EPHA7: variants seen among roughly 807,000 people sequenced by gnomAD.
The protein encoded by EPHA7 is EPH receptor A7, also known as ephrin type-A receptor 7.
EPHA7 carries 25 observed loss-of-function variants against 112.6 expected under a neutral mutation model. The observed-to-expected ratio is 0.22, with a 90% CI of 0.16 to 0.31. The LOEUF (loss-of-function observed/expected upper bound fraction) is 0.31, where lower values mean the gene tolerates loss of function less well. EPHA7 is among the 10% of genes least tolerant of loss of function. The pLI, the probability that EPHA7 is intolerant of heterozygous loss-of-function variation, is 1.00. For synonymous variants in EPHA7, 437 were observed against 406.5 expected (o/e 1.07, Z -0.90); for missense variants, 962 against 1,212.6 (o/e 0.79, Z 3.07).
intron 5 of EPHA7, among the ~76,000 whole-genome samples, chr6:93,327,907 A>G (rs930293252): frequency 6.6e-6 from 1 of 151,466 alleles, no homozygotes; most frequent in African/African-American, 2.4e-5. Flanking sequence ...AATCCCTCCA[A>G]TGGCTTTCAG....
intron 3 of EPHA7, among the ~76,000 whole-genome samples, chr6:93,401,917 T>C (rs753589601): frequency 1.3e-5 from 2 of 152,024 alleles, no homozygotes; most frequent in African/African-American, 2.4e-5. Context: ...GAATATTTCA[T>C]AGATTAGTGG....
At chr6:93,418,062 A>G (rs1425826327) in intron 1 of EPHA7, among the ~76,000 whole-genome samples, 1 of 151,464 alleles carries the variant, frequency 6.6e-6, no homozygotes, top group African/African-American at 2.4e-5. Context: ...TTCATAACAG[A>G]TTCCTCTCCC....
chr6:93,391,740 G>T (rs890230840), intron 3 of EPHA7, among the ~76,000 whole-genome samples: 4 of 151,774 alleles, frequency 2.6e-5, no homozygotes, highest in Admixed American at 2.6e-4. Flanking sequence ...AGAGGAAGGG[G>T]AAGCTGGTTA....
At position 93,243,475 on chromosome 6, in the gene EPHA7, G is replaced by C; in HGVS notation, c.2948C>G (p.Thr983Ser). ...HQKKIMSSIQ[T>S]MRAQMLHLHG... is the part of the protein sequence containing the mutation. ...TAAATGTAGCATTTGTGCTCTCATA[G>C]TCTGAATGCTGCTCATGATTTTCTT... Residue 983 changes from threonine (T) to serine (S), a missense_variant, in exon 17 of 17, where the codon ACT becomes AGT. Around this residue, in one of 3 missense-constraint regions of EPHA7, gnomAD observed 746 missense variants for 889.2 expected, o/e 0.84. Coordinates refer to ENST00000369303, the MANE Select transcript of EPHA7 (RefSeq NM_004440.4). 1.2e-6 allele frequency: 2 copies of C among 1,613,556 alleles called. No homozygotes were observed. The highest frequency in any genetic ancestry group is 1.7e-6 in the Non-Finnish European group (2 of 1,179,604).
At chr6:93,418,944 A>G (rs1337169649) in intron 1 of EPHA7, among the ~76,000 whole-genome samples, 1 of 152,198 alleles carries the variant, frequency 6.6e-6, no homozygotes, top group Non-Finnish European at 1.5e-5. Flanking sequence ...GCTCGCCGGC[A>G]GTTCCTCCAA....
chr6:93,386,270 A>G (rs528829382), intron 3 of EPHA7, among the ~76,000 whole-genome samples: 122 of 152,168 alleles, frequency 8.0e-4, no homozygotes, highest in Non-Finnish European at 1.5e-3. Context: ...AATGCAAGTT[A>G]GTTACTTTTT....
chr6:93,292,411 AG>A (rs1772426348), intron 5 of EPHA7, among the ~76,000 whole-genome samples: 1 of 152,162 alleles, frequency 6.6e-6, no homozygotes, highest in African/African-American at 2.4e-5. Flanking sequence ...GATACCATTT[AG>A]AAAAACAATA....
intron 5 of EPHA7, among the ~76,000 whole-genome samples, chr6:93,308,791 C>A (rs1773386318): frequency 6.6e-6 from 1 of 151,874 alleles, no homozygotes; most frequent in Non-Finnish European, 1.5e-5. Flanking sequence ...TATATAAATA[C>A]CACATTTTTA....
At chr6:93,325,350 G>T (rs925249223) in intron 5 of EPHA7, among the ~76,000 whole-genome samples, 2 of 151,046 alleles carry the variant, frequency 1.3e-5, no homozygotes, top group African/African-American at 4.8e-5. Flanking sequence ...CTTCTAAAAA[G>T]ATATATGCCT....
intron 5 of EPHA7, among the ~76,000 whole-genome samples, chr6:93,280,170 C>T (rs1206827964): frequency 1.3e-5 from 2 of 152,054 alleles, no homozygotes; most frequent in Non-Finnish European, 2.9e-5. Flanking sequence ...AACTAAATAT[C>T]CTAACATAGA....
chr6:93,375,981 A>G (rs1164525046), intron 3 of EPHA7, among the ~76,000 whole-genome samples: 6 of 152,148 alleles, frequency 3.9e-5, no homozygotes, highest in Admixed American at 6.6e-5. Context: ...ATTATAAAAG[A>G]TTTATGCCAT....
At chr6:93,373,546 T>G (rs1190240413) in intron 3 of EPHA7, among the ~76,000 whole-genome samples, 1 of 152,136 alleles carries the variant, frequency 6.6e-6, no homozygotes, top group Non-Finnish European at 1.5e-5. Context: ...CTTCTACTCA[T>G]GATTCTCTGG....
intron 3 of EPHA7, among the ~76,000 whole-genome samples, chr6:93,407,899 T>G (rs2127992753): frequency 6.6e-6 from 1 of 152,112 alleles, no homozygotes; most frequent in South Asian, 2.1e-4. Flanking sequence ...TTTTTCATGA[T>G]AAATATATCT....
At chr6:93,357,225 G>A (rs915785852) in intron 4 of EPHA7, among the ~76,000 whole-genome samples, 173 bp from the exon 5 acceptor site, 2 of 152,070 alleles carry the variant, frequency 1.3e-5, no homozygotes, top group Non-Finnish European at 2.9e-5. Flanking sequence ...TACTAGAGAA[G>A]CTGTATAAAA....
Position 93,242,356 on chromosome 6 carries a change from G to A in EPHA7, c.*1070C>T, listed in dbSNP as rs537210040. ...AACTGCCCCTTTATCATGCTTCAGAGTTATAATATAAAACAATTATTTCCT... is the reference window on the plus strand; with the variant it reads ...AACTGCCCCTTTATCATGCTTCAGAATTATAATATAAAACAATTATTTCCT... On this transcript the variant is annotated 3_prime_UTR_variant, in exon 17 of 17. Transcript: ENST00000369303. 1 of 199,476 alleles carries A rather than the reference G, an allele frequency of 5.0e-6. No homozygotes were observed. Among genetic ancestry groups the A allele is most frequent in the East Asian group, 7.9e-5 (1 of 12,732 alleles). The allele number at this position is 199,476 out of a possible 1,614,324, so 12.4% of individuals were successfully genotyped here. A position where few individuals can be genotyped will look rare whatever the true frequency, so the allele number is the denominator to read the frequency against.
At position 93,268,721 on chromosome 6, in the gene EPHA7, A is replaced by G. The variant is rs1419358485; in HGVS notation, c.1633+756T>C. On this transcript the variant is annotated intron_variant, in intron 7 of 16. Coordinates refer to ENST00000369303, the MANE Select transcript of EPHA7 (RefSeq NM_004440.4). ...ACTCTGACAGCAAATGGGGACATCC[A>G]TCCCAAGATATATCTGCTTACTTCT... 3.9e-5 allele frequency among the ~76,000 whole-genome samples: 6 copies of G among 151,914 alleles called. No homozygotes were observed. In the East Asian group the frequency reaches 1.2e-3, roughly 30 times the overall value.
chr6:93,259,769 TTTAA>T (rs1770603612), intron 9 of EPHA7, among the ~76,000 whole-genome samples: 1 of 151,820 alleles, frequency 6.6e-6, no homozygotes, highest in Non-Finnish European at 1.5e-5. Context: ...AGACTGGAGG[TTTAA>T]TTAAATTCAC....
intron 3 of EPHA7, among the ~76,000 whole-genome samples, chr6:93,403,529 C>T (rs1355368219): frequency 6.6e-6 from 1 of 151,858 alleles, no homozygotes; most frequent in Non-Finnish European, 1.5e-5. Context: ...GTCCCAGCTA[C>T]TTGGGAGGTG....
rs544796158 is a variant in EPHA7 at position 93,339,828 on chromosome 6, T to C, written c.1324+16889A>G. On this transcript the variant is annotated intron_variant, in intron 5 of 16. Coordinates refer to ENST00000369303, the MANE Select transcript of EPHA7 (RefSeq NM_004440.4). ...AGAATATACAAAAGTAAAATAACTT[T>C]GGGGAATGTTTCTGGTTAACAAATC... Among the ~76,000 whole-genome samples the C allele has an allele frequency of 9.1e-5, 9 of 99,070 alleles. No homozygotes were observed. The South Asian group carries it at 2.5e-3, about 27-fold the overall frequency. The allele number at this position is 99,070 out of a possible 152,430, so 65.0% of individuals were successfully genotyped here.
Sources: allele counts gnomAD v4.1 joint callset (sites outside exome capture counted in the v4.1 genomes callset), GRCh38; gene constraint gnomAD v4.1.1; regional missense constraint gnomAD v4.1.1; transcripts MANE v1.5; gene names NCBI Gene and HGNC (gene_info 2026-07-23, HGNC 2026-07-21).